DCTN5: variants seen among roughly 807,000 people sequenced by gnomAD.
DCTN5 encodes the protein dynactin 4.
Under a neutral mutation model 23.5 loss-of-function variants are expected in DCTN5, and 14 were observed. The observed-to-expected ratio is 0.60, with a 90% CI of 0.39 to 0.93. DCTN5 has a LOEUF of 0.93. Ranked by LOEUF, DCTN5 falls within the 40% of genes least tolerant of loss-of-function variation. DCTN5 has a pLI of 0.00. For missense variants in DCTN5, 156 were observed against 225.9 expected (o/e 0.69, Z 1.98); for synonymous variants, 67 against 79.6 (o/e 0.84, Z 0.84).
Position 23,669,387 on chromosome 16 carries a change from A to G in DCTN5, c.*2243A>G, listed in dbSNP as rs1475622795. On this transcript the variant is annotated 3_prime_UTR_variant, in exon 6 of 6. Transcript: ENST00000300087. ...TGAGTTGGCTTTATTCTTGGGCTTCACAGTGTGGCCCCACAGCACCAGTTA... is the reference window on the plus strand; with the variant it reads ...TGAGTTGGCTTTATTCTTGGGCTTCGCAGTGTGGCCCCACAGCACCAGTTA... 1.3e-5 allele frequency: 2 copies of G among 152,226 alleles called. No individual in the cohort carries two copies. Among genetic ancestry groups the G allele is most frequent in the African/African-American group, 4.8e-5 (2 of 41,438 alleles). 9.4% of individuals were successfully genotyped at this position (152,226 alleles called of 1,614,324 possible).
chr16:23,647,029 A>T (rs1430815445), intron 2 of DCTN5, among the ~76,000 whole-genome samples: 1 of 152,192 alleles, frequency 6.6e-6, no homozygotes, highest in Non-Finnish European at 1.5e-5. Flanking sequence ...GTCATAGATG[A>T]ATAGATTTAT....
chr16:23,653,258 A>T (rs1219991905), intron 2 of DCTN5, among the ~76,000 whole-genome samples: 1 of 152,242 alleles, frequency 6.6e-6, no homozygotes, highest in Non-Finnish European at 1.5e-5. Flanking sequence ...GGCAATCTTG[A>T]GCAAAAAGAA....
At chr16:23,651,864 A>G (rs1181821141) in intron 2 of DCTN5, among the ~76,000 whole-genome samples, 1 of 152,086 alleles carries the variant, frequency 6.6e-6, no homozygotes, top group East Asian at 1.9e-4. Context: ...GTGAAACCCC[A>G]TCTCTACTAA....
At chr16:23,661,345 C>CAGAAACA in intron 4 of DCTN5, 64 bp downstream of exon 4, 1 of 1,144,510 alleles carries the variant, frequency 8.7e-7, no homozygotes, top group Non-Finnish European at 1.3e-6. Flanking sequence ...TCCCTCACTT[C>CAGAAACA]GGTGGGACCC....
rs950765515 is a variant in DCTN5, at chr16:23,672,481, T to G, written c.*5337T>G. The G allele has an allele frequency of 6.6e-5, 10 of 152,234 alleles. No homozygotes were observed. Among genetic ancestry groups the G allele is most frequent in the African/African-American group, 2.4e-4 (10 of 41,460 alleles). 9.4% of individuals were successfully genotyped at this position (152,234 alleles called of 1,614,324 possible). On this transcript the variant is annotated 3_prime_UTR_variant, in exon 6 of 6. Transcript: ENST00000300087. ...CCCGGAGTTTTTAGTCTATTGAGTT[T>G]AACCGACAGATCATACTGTGTTTTG...
intron 1 of DCTN5, 152 bp downstream of exon 1, chr16:23,641,742 T>C: frequency 1.2e-6 from 1 of 823,306 alleles, no homozygotes; most frequent in Non-Finnish European, 2.0e-6. Flanking sequence ...ACCGTCTGGC[T>C]TTGCTGTTTA....
At chr16:23,650,880 A>G (rs1967590804) in intron 2 of DCTN5, 15 of 1,411,384 alleles carry the variant, frequency 1.1e-5, no homozygotes, top group Non-Finnish European at 1.4e-5. Context: ...GGCCTGGTGA[A>G]TTGGAGAATG....
chr16:23,666,948 A>G (rs1053823259), intron 5 of DCTN5, 99 bp from the exon 6 acceptor site: 5 of 1,543,530 alleles, frequency 3.2e-6, no homozygotes, highest in Non-Finnish European at 4.4e-6. Flanking sequence ...TGATTGTCAG[A>G]CATGCATCTG....
Position 23,676,021 on chromosome 16 carries a change from C to G in DCTN5, c.*8877C>G, listed in dbSNP as rs544311540. On this transcript the variant is annotated 3_prime_UTR_variant, in exon 6 of 6. Transcript: ENST00000300087. ...TAATGGATGTCCTGCTTGAGGTGCC[C>G]TAATATTGCAAATTCTTTGTTTACA... 1 of 152,232 alleles carries G rather than the reference C, an allele frequency of 6.6e-6. No homozygotes were observed. The highest frequency in any genetic ancestry group is 2.1e-4 in the South Asian group (1 of 4,824). 9.4% of individuals were successfully genotyped at this position (152,232 alleles called of 1,614,324 possible).
intron 1 of DCTN5, among the ~76,000 whole-genome samples, chr16:23,642,014 C>T (rs1361701608): frequency 1.3e-5 from 2 of 152,288 alleles, no homozygotes; most frequent in African/African-American, 2.4e-5. Context: ...TCACTGCAAC[C>T]TCCGCCTCCC....
chr16:23,648,344 C>CTTTTTTCTTTTTTTTTTTTTTT (rs1446479407), intron 2 of DCTN5, among the ~76,000 whole-genome samples: 1 of 105,522 alleles, frequency 9.5e-6, no homozygotes, highest in African/African-American at 3.6e-5. Context: ...TTTCTTTTTT[C>CTTTTTTCTTTTTTTTTTTTTTT]TTTTTTTTTT....
intron 5 of DCTN5, 149 bp downstream of exon 5, chr16:23,665,877 C>T (rs912907576): frequency 1.1e-5 from 7 of 646,084 alleles, no homozygotes; most frequent in East Asian, 2.8e-5. Context: ...CCTAGAAATG[C>T]TACCTAACAT....
rs1015873752 is a variant in DCTN5, at chr16:23,669,239, C to G, written c.*2095C>G. 2.6e-5 allele frequency: 4 copies of G among 152,306 alleles called. No individual in the cohort carries two copies. The highest frequency in any genetic ancestry group is 4.8e-5 in the African/African-American group (2 of 41,424). 9.4% of individuals were successfully genotyped at this position (152,306 alleles called of 1,614,324 possible). A position where few individuals can be genotyped will look rare whatever the true frequency, so the allele number is the denominator to read the frequency against. On this transcript the variant is annotated 3_prime_UTR_variant, in exon 6 of 6. Transcript: ENST00000300087. Reference sequence around the variant, plus strand: ...CTTGGTTGGGACTCTTTCCAGTTCACTTGGGGCAGAGGGAATTTAATGGCT... The same window carrying G: ...CTTGGTTGGGACTCTTTCCAGTTCAGTTGGGGCAGAGGGAATTTAATGGCT...
At chr16:23,642,923 GC>G in intron 1 of DCTN5, 31 bp from the exon 2 acceptor site, 1 of 1,602,500 alleles carries the variant, frequency 6.2e-7, no homozygotes, top group Non-Finnish European at 8.6e-7. Flanking sequence ...TATTAAGTTT[GC>G]TTTCCCCGGT....
At chr16:23,657,417 C>G (rs1967726171) in intron 2 of DCTN5, 1 of 380,520 alleles carries the variant, frequency 2.6e-6, no homozygotes, top group Non-Finnish European at 5.2e-6. Flanking sequence ...GATTGTGGCA[C>G]TGCACTGCAG....
intron 2 of DCTN5, among the ~76,000 whole-genome samples, chr16:23,656,636 T>A (rs1211165612): frequency 1.3e-5 from 2 of 152,154 alleles, no homozygotes; most frequent in East Asian, 3.9e-4. Flanking sequence ...TCAGATTAAT[T>A]TACTTTTATT....
chr16:23,644,839 C>G (rs184836769), intron 2 of DCTN5, among the ~76,000 whole-genome samples: 1 of 146,426 alleles, frequency 6.8e-6, no homozygotes, highest in African/African-American at 2.5e-5. Flanking sequence ...TGGAGTGAAG[C>G]GGCGCCATCT....
chr16:23,661,200 C>A lies in DCTN5; in HGVS notation c.267C>A (p.Asp89Glu). 6.2e-7 allele frequency: 1 copy of A among 1,613,066 alleles called. No individual in the cohort carries two copies. Among genetic ancestry groups the A allele is most frequent in the Non-Finnish European group, 8.5e-7 (1 of 1,179,542 alleles). ...GVAFFPLHIG[D>E]HVFIEEDCVV... is the part of the protein sequence containing the mutation. Reference sequence around the variant, plus strand: ...CATTCTTTCCTTTACATATTGGAGACCATGTCTTTATTGAGGAAGATTGTG... The same window carrying A: ...CATTCTTTCCTTTACATATTGGAGAACATGTCTTTATTGAGGAAGATTGTG... Residue 89 changes from aspartate to glutamate, a missense_variant, in exon 4 of 6, where the codon GAC (aspartate) becomes GAA (glutamate). Transcript: ENST00000300087.
At position 23,667,138 on chromosome 16, in the gene DCTN5, A is replaced by G. The variant is rs1967922479; in HGVS notation, c.543A>G (p.Gln181=). The change falls in exon 6 of 6, where the codon CAA becomes CAG. Residue 181 remains glutamine (Q), a synonymous_variant. Transcript: ENST00000300087. ...SYYQKFLPLT[Q]V is the part of the protein sequence containing the mutation. ...ACCAGAAGTTTTTGCCCCTGACGCA[A>G]GTCTAGCATCTCTGCCTCATGTCTT... 1.2e-6 allele frequency: 2 copies of G among 1,612,300 alleles called. No homozygotes were observed. Among genetic ancestry groups the G allele is most frequent in the Non-Finnish European group, 1.7e-6 (2 of 1,180,018 alleles).
Sources: allele counts gnomAD v4.1 joint callset (sites outside exome capture counted in the v4.1 genomes callset), GRCh38; gene constraint gnomAD v4.1.1; transcripts MANE v1.5; gene names NCBI Gene and HGNC (gene_info 2026-07-23, HGNC 2026-07-21).